Variants in ATP13A4 observed in about 807,000 individuals in gnomAD.
ATP13A4 encodes probable cation-transporting ATPase 13A4.
Under a neutral mutation model 142.5 loss-of-function variants are expected in ATP13A4, and 114 were observed. The ratio of observed to expected loss-of-function variants is 0.80; its 90% confidence interval spans 0.69 to 0.93. The LOEUF is 0.93. Ranked by LOEUF, ATP13A4 falls within the 40% of genes least tolerant of loss-of-function variation. ATP13A4 has a pLI of 0.00. For synonymous variants in ATP13A4, 488 were observed against 514.8 expected (o/e 0.95, Z 0.70); for missense variants, 1,392 against 1,454.0 (o/e 0.96, Z 0.69).
chr3:193,527,130 C>A (rs887753948), intron 1 of ATP13A4, among the ~76,000 whole-genome samples: 3 of 152,176 alleles, frequency 2.0e-5, no homozygotes, highest in African/African-American at 4.8e-5. Flanking sequence ...GGGATTTAAT[C>A]TAAACTCCGC....
In ATP13A4 at chr3:193,435,651, G is replaced by C; in HGVS notation, c.2766C>G (p.Tyr922Ter). The change falls in exon 24 of 30, where the codon TAC (tyrosine) becomes TAG (stop). Residue 922 changes from tyrosine (Y) to a stop codon, truncating the protein, a stop_gained. Transcript: ENST00000342695. LOFTEE classifies it high-confidence loss of function. ...MIQYVGVLLL[Y>*]WETNSLSNYQ... is the part of the protein sequence containing the mutation. ...GAGGCTAAGTCCCAAGTCATACCCA[G>C]TAGAGCAGCAGAACACCAACATACT... 5 of 1,612,854 alleles carry C rather than the reference G, an allele frequency of 3.1e-6. No individual in the cohort carries two copies. The highest frequency in any genetic ancestry group is 4.2e-6 in the Non-Finnish European group (5 of 1,178,950).
intron 26 of ATP13A4, among the ~76,000 whole-genome samples, chr3:193,413,455 G>T (rs1714883119): frequency 6.6e-6 from 1 of 152,202 alleles, no homozygotes. Context: ...AGGGCTGACT[G>T]CCTACAGGGT....
At chr3:193,432,179 T>G (rs1360715197) in intron 25 of ATP13A4, among the ~76,000 whole-genome samples, 1 of 151,898 alleles carries the variant, frequency 6.6e-6, no homozygotes, top group Non-Finnish European at 1.5e-5. Context: ...CTTGAGAAGG[T>G]TGGAGGAAGT....
intron 2 of ATP13A4, among the ~76,000 whole-genome samples, chr3:193,565,403 G>A (rs956063686): frequency 2.6e-5 from 4 of 152,156 alleles, no homozygotes; most frequent in African/African-American, 9.7e-5. Flanking sequence ...CTCAAAATTG[G>A]AAGGAGTAGT....
intron 8 of ATP13A4, among the ~76,000 whole-genome samples, chr3:193,472,603 G>T (rs1718688900): frequency 1.3e-5 from 2 of 152,206 alleles, no homozygotes; most frequent in Admixed American, 6.5e-5. Flanking sequence ...AGAAATTTGT[G>T]TTAGTTGTGC....
chr3:193,584,150 G>A (rs941449858), intron 1 of ATP13A4, among the ~76,000 whole-genome samples: 2 of 152,176 alleles, frequency 1.3e-5, no homozygotes, highest in African/African-American at 4.8e-5. Flanking sequence ...AATTAAGTTT[G>A]CTGACCAGTT....
intron 2 of ATP13A4, among the ~76,000 whole-genome samples, chr3:193,504,285 G>C (rs1458728678): frequency 6.6e-6 from 1 of 152,074 alleles, no homozygotes; most frequent in Non-Finnish European, 1.5e-5. Flanking sequence ...TGATAGACAT[G>C]GTCTAGGTAT....
At chr3:193,541,063 C>A (rs1722874123) in intron 1 of ATP13A4, among the ~76,000 whole-genome samples, 1 of 151,990 alleles carries the variant, frequency 6.6e-6, no homozygotes. Context: ...TCCTGGCTAA[C>A]ACGGTGAAAC....
chr3:193,431,165 A>T (rs566752344), intron 25 of ATP13A4, among the ~76,000 whole-genome samples: 1 of 152,240 alleles, frequency 6.6e-6, no homozygotes, highest in South Asian at 2.1e-4. Context: ...GTAGAATGTA[A>T]GCTCCATAAG....
At chr3:193,543,167 C>CAAAAA (rs566660322) in intron 1 of ATP13A4, among the ~76,000 whole-genome samples, 2 of 115,224 alleles carry the variant, frequency 1.7e-5, no homozygotes, top group Non-Finnish European at 3.6e-5. Flanking sequence ...GACTCCATCT[C>CAAAAA]AAAAAAAAAA....
intron 17 of ATP13A4, among the ~76,000 whole-genome samples, chr3:193,453,789 C>G (rs1576979270): frequency 6.6e-6 from 1 of 152,074 alleles, no homozygotes; most frequent in Non-Finnish European, 1.5e-5. Flanking sequence ...TTCTGAAACG[C>G]TGATTATATT....
At chr3:193,498,696 T>C (rs1475956410) in intron 3 of ATP13A4, among the ~76,000 whole-genome samples, 1 of 152,252 alleles carries the variant, frequency 6.6e-6, no homozygotes, top group African/African-American at 2.4e-5. Context: ...CAGCCAACAG[T>C]GTCTAGAGCT....
Position 193,401,209 on chromosome 3 carries a change from A to G in ATP13A4, c.*1443T>C, listed in dbSNP as rs999823822. Among the ~76,000 whole-genome samples, 2 of 152,238 alleles carry G rather than the reference A, an allele frequency of 1.3e-5. No individual in the cohort carries two copies. On this transcript the variant is annotated 3_prime_UTR_variant, in exon 30 of 30. Coordinates refer to ENST00000342695, the MANE Select transcript of ATP13A4 (RefSeq NM_032279.4). ...AACATTCACCTAGGATTTGATGCTC[A>G]TAATACAAATTTTGCTTTTGCCTTA...
chr3:193,524,360 A>G (rs1396053315), intron 1 of ATP13A4, among the ~76,000 whole-genome samples: 1 of 152,176 alleles, frequency 6.6e-6, no homozygotes, highest in African/African-American at 2.4e-5. Context: ...ACTAACTCTG[A>G]GTAGTTAATG....
At chr3:193,446,528 T>G (rs1302962277) in intron 18 of ATP13A4, among the ~76,000 whole-genome samples, 6 of 152,144 alleles carry the variant, frequency 3.9e-5, no homozygotes, top group Non-Finnish European at 7.3e-5. Context: ...TAGAGTTGAG[T>G]CCATTAAGTT....
intron 1 of ATP13A4, among the ~76,000 whole-genome samples, chr3:193,515,296 C>T (rs1721346767): frequency 6.6e-6 from 1 of 152,160 alleles, no homozygotes; most frequent in Admixed American, 6.5e-5. Context: ...GCTAGAATGT[C>T]CCACTGCTAA....
intron 1 of ATP13A4, among the ~76,000 whole-genome samples, chr3:193,582,356 C>T (rs1443903486): frequency 4.0e-5 from 6 of 148,974 alleles, no homozygotes; most frequent in Non-Finnish European, 8.9e-5. Context: ...ACCACGTTGG[C>T]GAAGATGTTC....
chr3:193,554,446 G>C, intron 1 of ATP13A4: 2 of 474,842 alleles, frequency 4.2e-6, no homozygotes, highest in South Asian at 4.1e-5. Context: ...GCTCAAACAA[G>C]AATCATAAAG....
At chr3:193,542,833 A>G (rs897764448) in intron 1 of ATP13A4, among the ~76,000 whole-genome samples, 7 of 152,198 alleles carry the variant, frequency 4.6e-5, no homozygotes, top group African/African-American at 1.7e-4. Flanking sequence ...TTAACTCAAT[A>G]TGGATTAAAG....
Sources: gnomAD v4.1 joint callset for allele counts (sites outside exome capture counted in the v4.1 genomes callset) on GRCh38, gnomAD v4.1.1 for gene constraint, MANE v1.5 for transcripts, NCBI Gene and HGNC (gene_info 2026-07-23, HGNC 2026-07-21) for gene names.